TNRC6B: variants seen among roughly 807,000 people sequenced by gnomAD.
TNRC6B encodes the protein trinucleotide repeat containing adaptor 6B.
Under a neutral mutation model 203.6 loss-of-function variants are expected in TNRC6B, and 52 were observed. That is an observed-to-expected ratio of 0.26 (90% CI 0.20 to 0.32). The LOEUF (loss-of-function observed/expected upper bound fraction) is 0.32. TNRC6B is among the 10% of genes least tolerant of loss of function. The pLI, the probability that TNRC6B is intolerant of heterozygous loss-of-function variation, is 1.00. For synonymous variants in TNRC6B, 838 were observed against 845.7 expected, an observed-to-expected ratio of 0.99 and a Z score of 0.16; for missense variants, 1,923 against 2,286.2, an observed-to-expected ratio of 0.84 and a Z score of 3.24.
At chr22:40,120,679 ATAT>A (rs2068435838) in intron 2 of TNRC6B, among the ~76,000 whole-genome samples, 1 of 152,176 alleles carries the variant, frequency 6.6e-6, no homozygotes, top group Non-Finnish European at 1.5e-5. Context: ...CCAATAAGTA[ATAT>A]TCTCTTCCCT....
chr22:40,185,346 ACTATG>A (rs932850030), intron 1 of TNRC6B, among the ~76,000 whole-genome samples: 4 of 152,190 alleles, frequency 2.6e-5, no homozygotes, highest in African/African-American at 9.7e-5. Flanking sequence ...GCATACCTGT[ACTATG>A]CAGTGCAAGG....
intron 1 of TNRC6B, among the ~76,000 whole-genome samples, chr22:40,108,492 T>A (rs146354698): frequency 6.6e-6 from 1 of 152,356 alleles, no homozygotes; most frequent in African/African-American, 2.4e-5. Flanking sequence ...TGAACACTTG[T>A]CAAAGTGTGC....
intron 11 of TNRC6B, among the ~76,000 whole-genome samples, chr22:40,284,074 C>T (rs918188267): frequency 2.6e-5 from 4 of 152,184 alleles, no homozygotes; most frequent in East Asian, 1.9e-4. Flanking sequence ...CTGACTACCA[C>T]GATCTGAGGA....
chr22:40,086,670 T>A, intron 1 of TNRC6B, among the ~76,000 whole-genome samples: 1 of 152,228 alleles, frequency 6.6e-6, no homozygotes, highest in East Asian at 1.9e-4. Context: ...GTTCAAAAGA[T>A]GTCTTCTTTC....
At position 40,264,786 on chromosome 22, in the gene TNRC6B, A is replaced by G. The variant is rs779374349; in HGVS notation, c.556A>G (p.Ile186Val). 2.4e-5 allele frequency: 39 copies of G among 1,613,848 alleles called. No homozygotes were observed. In the South Asian group the frequency reaches 3.5e-4, roughly 15 times the overall value. ...CGGCACCTCCCCCAACCCAATTCACATCTGGGACAAGGTGATTGTAGACGG... is the reference window on the plus strand; with the variant it reads ...CGGCACCTCCCCCAACCCAATTCACGTCTGGGACAAGGTGATTGTAGACGG... ...NNGTSPNPIH[I>V]WDKVIVDGSD... The change falls in exon 5 of 23, where the codon ATC (isoleucine) becomes GTC (valine). Residue 186 changes from isoleucine (I) to valine (V), a missense_variant. By Grantham distance (29) the Ile-to-Val change is conservative. This residue lies in a region of TNRC6B where 614 missense variants were observed against 587.7 expected (regional missense o/e 1.04). Transcript: ENST00000454349.
chr22:40,193,444 A>G (rs991397470), intron 1 of TNRC6B, among the ~76,000 whole-genome samples: 19 of 152,320 alleles, frequency 1.2e-4, no homozygotes, highest in African/African-American at 4.3e-4. Context: ...ATAGATTGAA[A>G]AATGCTGCCC....
intron 4 of TNRC6B, among the ~76,000 whole-genome samples, chr22:40,163,654 G>C (rs1209598894): frequency 6.6e-6 from 1 of 151,604 alleles, no homozygotes; most frequent in Admixed American, 6.6e-5. Context: ...TCAGCTACTC[G>C]GGAGGCTGAG....
intron 1 of TNRC6B, among the ~76,000 whole-genome samples, chr22:40,080,094 CTTTTTTTTTTT>C (rs772109662): frequency 1.3e-4 from 15 of 113,774 alleles, no homozygotes; most frequent in Non-Finnish European, 2.1e-4. Context: ...CGTGCCTGGC[CTTTTTTTTTTT>C]TTTTTTTTGT....
At chr22:40,065,119 G>C (rs971677703) in intron 1 of TNRC6B, among the ~76,000 whole-genome samples, 2 of 149,458 alleles carry the variant, frequency 1.3e-5, no homozygotes, top group Non-Finnish European at 3.0e-5. Flanking sequence ...GAGGGTGGGG[G>C]TGGAGGGAGG....
chr22:40,159,871 G>A lies in TNRC6B; in HGVS notation c.113+3689G>A, dbSNP rs1319464851. ...CTGTCACCTAGGCTAGGGTGCAATG[G>A]TACGATCATAGCTCACTGTAATCTT... On this transcript the variant is annotated intron_variant, in intron 4 of 23. Coordinates refer to the TNRC6B transcript ENST00000301923. Among the ~76,000 whole-genome samples the A allele has an allele frequency of 2.0e-5, 3 of 151,860 alleles. 1 individual carries two copies. Among genetic ancestry groups the A allele is most frequent in the Admixed American group, 2.0e-4 (3 of 15,242 alleles).
intron 1 of TNRC6B, among the ~76,000 whole-genome samples, chr22:40,204,898 A>G (rs1485730310): frequency 6.6e-6 from 1 of 152,178 alleles, no homozygotes; most frequent in Non-Finnish European, 1.5e-5. Flanking sequence ...CTTCAATTTC[A>G]CTTATCCAGT....
intron 1 of TNRC6B, among the ~76,000 whole-genome samples, chr22:40,237,572 G>A (rs1004410521): frequency 6.6e-6 from 1 of 152,162 alleles, no homozygotes; most frequent in African/African-American, 2.4e-5. Flanking sequence ...CAGAGAAGGT[G>A]TGGGTGTGTG....
chr22:40,245,931 C>T, intron 1 of TNRC6B, 84 bp from the exon 2 acceptor site: 3 of 1,027,512 alleles, frequency 2.9e-6, no homozygotes, highest in African/African-American at 1.6e-5. Context: ...TCGTCTTGCC[C>T]ACCACTTACA....
chr22:40,276,088 C>A (rs1380131827), intron 7 of TNRC6B, among the ~76,000 whole-genome samples: 2 of 152,154 alleles, frequency 1.3e-5, no homozygotes, highest in African/African-American at 4.8e-5. Context: ...TGGCTCACAC[C>A]TGTAATCCCA....
In TNRC6B at chr22:40,124,293, A is replaced by AAAAC. The variant is rs1319396802; in HGVS notation, c.-46-1477_-46-1474dup. On this transcript the variant is annotated intron_variant, in intron 2 of 23. Transcript: ENST00000301923. ...TAATAGATTTTTCTTGCACACACAA[A>AAAAC]AAACATACACTACCAGCATCTTTTT... is the stretch of plus-strand genomic sequence containing the variant. 6.6e-5 allele frequency among the ~76,000 whole-genome samples: 10 copies of AAAAC among 152,192 alleles called. No individual in the cohort carries two copies. In the South Asian group the frequency reaches 1.9e-3, roughly 28 times the overall value.
At chr22:40,301,545 G>A in intron 15 of TNRC6B, 1 of 557,678 alleles carries the variant, frequency 1.8e-6, no homozygotes, top group South Asian at 2.6e-5. Context: ...GCAGAGCCAG[G>A]CCTCTAACTT....
At chr22:40,254,124 T>C (rs932515615) in intron 3 of TNRC6B, among the ~76,000 whole-genome samples, 3 of 152,170 alleles carry the variant, frequency 2.0e-5, no homozygotes, top group African/African-American at 7.2e-5. Flanking sequence ...GGAGGTTATG[T>C]GAAGACATAG....
rs10534254 is a variant in TNRC6B at position 40,331,645 on chromosome 22, A to ATTTTTTTTTTTTTTT, written c.*8415_*8429dup. The stretch of plus-strand genomic sequence containing the variant: ...ACTGAATTTAAGAAGAGGTTGTTGG[A>ATTTTTTTTTTTTTTT]TTTTTTTTTTTTTTTTTTTTTTTTT... On this transcript the variant is annotated 3_prime_UTR_variant, in exon 23 of 23. Transcript: ENST00000454349. 1.5e-5 allele frequency: 2 copies of ATTTTTTTTTTTTTTT among 133,252 alleles called. No individual in the cohort carries two copies. The highest frequency in any genetic ancestry group is 1.4e-4 in the Admixed American group (1 of 7,064). 8.3% of individuals were successfully genotyped at this position (133,252 alleles called of 1,614,324 possible). A position where few individuals can be genotyped will look rare whatever the true frequency, so the allele number is the denominator to read the frequency against.
chr22:40,115,052 G>C (rs1332570731), intron 1 of TNRC6B, among the ~76,000 whole-genome samples: 1 of 152,168 alleles, frequency 6.6e-6, no homozygotes, highest in Non-Finnish European at 1.5e-5. Flanking sequence ...TTGGAAAACT[G>C]CTCAGTTTCC....
Sources: gnomAD v4.1 joint callset for allele counts (sites outside exome capture counted in the v4.1 genomes callset) on GRCh38, gnomAD v4.1.1 for gene constraint, gnomAD v4.1.1 regional missense constraint, MANE v1.5 for transcripts, NCBI Gene and HGNC (gene_info 2026-07-23, HGNC 2026-07-21) for gene names.